The following SLC2A12 variants were observed in gnomAD, a reference collection of about 807,000 sequenced individuals.
The protein encoded by SLC2A12 is solute carrier family 2, facilitated glucose transporter member 12.
Under a neutral mutation model 41.8 loss-of-function variants are expected in SLC2A12, and 23 were observed. The ratio of observed to expected loss-of-function variants is 0.55; its 90% CI spans 0.40 to 0.78. The LOEUF is 0.78. SLC2A12 is among the 30% of genes least tolerant of loss of function. The pLI, the probability that SLC2A12 is intolerant of heterozygous loss-of-function variation, is 0.00. For missense variants in SLC2A12, 654 were observed against 745.6 expected (o/e 0.88, Z 1.43); for synonymous variants, 295 against 285.9 (o/e 1.03, Z -0.32).
At position 134,028,786 on chromosome 6, in the gene SLC2A12, G is replaced by A; in HGVS notation, c.1039C>T (p.Leu347Phe). ...LVDHVGSKTFLCIGSSVMAAS... is the reference protein window; with the variant it reads ...LVDHVGSKTFFCIGSSVMAAS... ...GCCATCACAGAGGAGCCAATGCAGA[G>A]GAATGTTTTGCTGCCGACATGGTCT... The change falls in exon 2 of 5, where the codon CTC becomes TTC. Residue 347 changes from leucine (L) to phenylalanine (F), a missense_variant. Transcript: ENST00000275230. 4.3e-6 allele frequency: 7 copies of A among 1,614,206 alleles called. No individual in the cohort carries two copies. The highest frequency in any genetic ancestry group is 5.9e-6 in the Non-Finnish European group (7 of 1,180,034).
At chr6:134,032,428 A>ATATT (rs1777224117) in intron 1 of SLC2A12, among the ~76,000 whole-genome samples, 2 of 29,224 alleles carry the variant, frequency 6.8e-5, no homozygotes, top group African/African-American at 2.7e-4. Flanking sequence ...ATATATATTT[A>ATATT]TATATATATA....
Position 134,006,918 on chromosome 6 carries a change from G to A in SLC2A12, c.1461C>T (p.Leu487=), listed in dbSNP as rs765551313. 1.5e-5 allele frequency: 24 copies of A among 1,614,172 alleles called. No homozygotes were observed. The highest frequency in any genetic ancestry group is 4.4e-5 in the South Asian group (4 of 91,078). The change falls in exon 3 of 5, where the codon CTC becomes CTT. Residue 487 remains leucine, a synonymous_variant. Coordinates refer to ENST00000275230, the MANE Select transcript of SLC2A12 (RefSeq NM_145176.3). ...TGATCCCACCAGGAAAGATCTCGCT[G>A]AGCACCAGCCAGGGCACTAGAAGAA... ...IGLGPMPWLV[L]SEIFPGGIRG...
intron 2 of SLC2A12, among the ~76,000 whole-genome samples, chr6:134,017,558 G>A (rs1004249194): frequency 1.3e-5 from 2 of 152,156 alleles, no homozygotes; most frequent in African/African-American, 2.4e-5. Flanking sequence ...CAACTTAGAA[G>A]AGTGGACATT....
chr6:134,046,628 G>A (rs980442363), intron 1 of SLC2A12, among the ~76,000 whole-genome samples: 16 of 151,970 alleles, frequency 1.1e-4, no homozygotes, highest in East Asian at 3.9e-4. Context: ...TGGTGAAACC[G>A]TCTCTACTAA....
At chr6:134,018,856 A>G (rs576164857) in intron 2 of SLC2A12, among the ~76,000 whole-genome samples, 1 of 152,062 alleles carries the variant, frequency 6.6e-6, no homozygotes, top group East Asian at 1.9e-4. Flanking sequence ...TGAGCAAGAC[A>G]CATGTGCTGG....
chr6:133,995,937 T>C (rs1239501416), intron 4 of SLC2A12, among the ~76,000 whole-genome samples: 1 of 152,262 alleles, frequency 6.6e-6, no homozygotes, highest in African/African-American at 2.4e-5. Flanking sequence ...CTGGATTTAC[T>C]CCCCTATCTT....
At position 133,989,424 on chromosome 6, in the gene SLC2A12, A is replaced by G. The variant is rs1472390529; in HGVS notation, c.*1731T>C. ...AATAAACTGGCTAGGTTGATAAACA[A>G]TTTCCTGCCCATTTATAATGAAGGG... On this transcript the variant is annotated 3_prime_UTR_variant, in exon 5 of 5. Coordinates refer to ENST00000275230, the MANE Select transcript of SLC2A12 (RefSeq NM_145176.3). 6.6e-6 allele frequency: 1 copy of G among 152,174 alleles called. No homozygotes were observed. Among genetic ancestry groups the G allele is most frequent in the African/African-American group, 2.4e-5 (1 of 41,438 alleles). The allele number at this position is 152,174 out of a possible 1,614,324, so 9.4% of individuals were successfully genotyped here.
At chr6:134,022,528 T>C (rs1315287459) in intron 2 of SLC2A12, among the ~76,000 whole-genome samples, 6 of 139,162 alleles carry the variant, frequency 4.3e-5, no homozygotes, top group Non-Finnish European at 7.9e-5. Flanking sequence ...TGAAACTCCA[T>C]CTCAAAAAAG....
chr6:133,993,607 G>A (rs1776650010), intron 4 of SLC2A12, among the ~76,000 whole-genome samples: 1 of 152,214 alleles, frequency 6.6e-6, no homozygotes, highest in Non-Finnish European at 1.5e-5. Context: ...AATATAGCAG[G>A]AAGAGATAGA....
intron 2 of SLC2A12, among the ~76,000 whole-genome samples, chr6:134,011,831 C>T (rs1196808784): frequency 6.6e-6 from 1 of 152,098 alleles, no homozygotes; most frequent in East Asian, 1.9e-4. Flanking sequence ...CACCTAAGCT[C>T]AGGAGTTTGA....
chr6:134,033,195 C>T (rs1382899431), intron 1 of SLC2A12, among the ~76,000 whole-genome samples: 2 of 152,046 alleles, frequency 1.3e-5, no homozygotes, highest in Non-Finnish European at 2.9e-5. Flanking sequence ...GATGACTTTT[C>T]ATTGTGTTCC....
At chr6:134,010,275 G>A (rs1475084323) in intron 2 of SLC2A12, among the ~76,000 whole-genome samples, 1 of 152,140 alleles carries the variant, frequency 6.6e-6, no homozygotes, top group African/African-American at 2.4e-5. Flanking sequence ...CCACAGGGGA[G>A]GGCTCCCTTT....
At chr6:134,032,798 ATATATAATTTATATC>A (rs1161104588) in intron 1 of SLC2A12, among the ~76,000 whole-genome samples, 1 of 143,570 alleles carries the variant, frequency 7.0e-6, no homozygotes. Context: ...TATATTATAT[ATATATAATTTATATC>A]TATATATATA....
At chr6:134,006,219 G>A (rs1230108268) in intron 3 of SLC2A12, among the ~76,000 whole-genome samples, 3 of 144,276 alleles carry the variant, frequency 2.1e-5, no homozygotes, top group Non-Finnish European at 4.6e-5. Context: ...GAAACAGAGA[G>A]GGGCACGTGA....
intron 4 of SLC2A12, among the ~76,000 whole-genome samples, chr6:133,995,501 G>A (rs1425631268): frequency 6.6e-6 from 1 of 152,260 alleles, no homozygotes; most frequent in South Asian, 2.1e-4. Context: ...GAGGAAATGA[G>A]GAGGTTTCCA....
At chr6:134,039,557 C>T (rs1182313736) in intron 1 of SLC2A12, among the ~76,000 whole-genome samples, 1 of 150,820 alleles carries the variant, frequency 6.6e-6, no homozygotes, top group Non-Finnish European at 1.5e-5. Flanking sequence ...AATAACCTAG[C>T]CCCTAAATTT....
chr6:134,044,028 C>G (rs1437089740), intron 1 of SLC2A12, among the ~76,000 whole-genome samples: 1 of 152,042 alleles, frequency 6.6e-6, no homozygotes, highest in Non-Finnish European at 1.5e-5. Context: ...ACGTGCCATT[C>G]TCTCTTCTCC....
intron 2 of SLC2A12, among the ~76,000 whole-genome samples, chr6:134,020,556 G>T (rs1777027280): frequency 6.6e-6 from 1 of 151,878 alleles, no homozygotes; most frequent in Admixed American, 6.6e-5. Context: ...CTTTAGAAAA[G>T]AAAAAGAAAC....
chr6:134,026,825 G>A (rs1164645097), intron 2 of SLC2A12, among the ~76,000 whole-genome samples: 2 of 152,168 alleles, frequency 1.3e-5, no homozygotes, highest in Admixed American at 6.5e-5. Context: ...CAGCTGTTTA[G>A]GCCTGAACTT....
Sources: gnomAD v4.1 joint callset for allele counts (sites outside exome capture counted in the v4.1 genomes callset) on GRCh38, gnomAD v4.1.1 for gene constraint, MANE v1.5 for transcripts, NCBI Gene and HGNC (gene_info 2026-07-23, HGNC 2026-07-21) for gene names.